Variants in NUDT7 observed in about 807,000 individuals in gnomAD.
The protein encoded by NUDT7 is nudix hydrolase 7.
In NUDT7, 19 loss-of-function variants were observed where a neutral mutation model predicts 13.1. That is an observed-to-expected ratio of 1.45 (90% CI 1.01 to 2.13). NUDT7 has a LOEUF of 2.13. Among genes scored for constraint, NUDT7 ranks in the 30% most tolerant of loss-of-function variants. The probability of loss-of-function intolerance (pLI) is 0.00; values close to 1 mark genes in which losing one functional copy is unlikely to be tolerated. For missense variants in NUDT7, 360 were observed against 291.7 expected (o/e 1.23, Z -1.71); for synonymous variants, 132 against 109.7 (o/e 1.20, Z -1.27).
At chr16:77,728,629 T>G (rs1038188286) in intron 2 of NUDT7, among the ~76,000 whole-genome samples, 5 of 152,206 alleles carry the variant, frequency 3.3e-5, no homozygotes, top group Admixed American at 2.6e-4. Flanking sequence ...GTTCTGAGCC[T>G]GAAAGAGATC....
chr16:77,735,688 G>A, intron 2 of NUDT7, 140 bp from the exon 3 acceptor site: 1 of 751,836 alleles, frequency 1.3e-6, no homozygotes, highest in Non-Finnish European at 2.2e-6. Context: ...ACACATTTGT[G>A]GGCAATAGGG....
At chr16:77,731,415 C>T (rs1264659192) in intron 2 of NUDT7, among the ~76,000 whole-genome samples, 2 of 152,192 alleles carry the variant, frequency 1.3e-5, no homozygotes, top group African/African-American at 4.8e-5. Flanking sequence ...CACCAACTGA[C>T]ATCATAGCAG....
At chr16:77,731,317 G>T (rs1410080727) in intron 2 of NUDT7, among the ~76,000 whole-genome samples, 1 of 151,696 alleles carries the variant, frequency 6.6e-6, no homozygotes. Context: ...GTCATGTGCT[G>T]CAAAACTGTT....
intron 2 of NUDT7, among the ~76,000 whole-genome samples, chr16:77,731,732 A>G (rs2014324625): frequency 6.6e-6 from 1 of 152,196 alleles, no homozygotes; most frequent in African/African-American, 2.4e-5. Context: ...TGAGAGCTCC[A>G]TGTATGTTAT....
rs778655225 is a variant in NUDT7 at position 77,725,540 on chromosome 16, A to G, written c.145A>G (p.Lys49Glu). 8 of 1,614,134 alleles carry G rather than the reference A, an allele frequency of 5.0e-6. No homozygotes were observed. The South Asian group carries it at 5.5e-5, about 11-fold the overall frequency. Residue 49 changes from lysine (K) to glutamate (E), a missense_variant, in exon 2 of 4, where the codon AAA becomes GAA. Lys to Glu is a moderately conservative substitution (Grantham distance 56, BLOSUM62 1). Transcript: ENST00000268533. The stretch of plus-strand genomic sequence containing the variant: ...CTCCGTCCTTTTGCCATTGGTGGCT[A>G]AAGAAGGAAAACTCCATTTGTTGTT... Reference protein sequence around the residue: ...KYSVLLPLVAKEGKLHLLFTV... With the variant: ...KYSVLLPLVAEEGKLHLLFTV...
At chr16:77,732,718 C>T (rs2014356394) in intron 2 of NUDT7, among the ~76,000 whole-genome samples, 1 of 152,094 alleles carries the variant, frequency 6.6e-6, no homozygotes, top group Non-Finnish European at 1.5e-5. Context: ...GCAAGTGCAC[C>T]CTGTGTTGTT....
rs2014464816 is a variant in NUDT7 at position 77,735,880 on chromosome 16, C to G, written c.242C>G (p.Thr81Arg). Reference sequence around the variant, plus strand: ...TTCCCTGGAGGTAAGCGTGACCCTACAGACATGGATGATGCAGCCACAGCT... The same window carrying G: ...TTCCCTGGAGGTAAGCGTGACCCTAGAGACATGGATGATGCAGCCACAGCT... ...VCFPGGKRDPTDMDDAATALR... is the reference protein window; with the variant it reads ...VCFPGGKRDPRDMDDAATALR... Residue 81 changes from threonine to arginine, a missense_variant, in exon 3 of 4, where the codon ACA becomes AGA. Transcript: ENST00000268533. 1 of 1,613,942 alleles carries G rather than the reference C, an allele frequency of 6.2e-7. No individual in the cohort carries two copies. Among genetic ancestry groups the G allele is most frequent in the Admixed American group, 1.7e-5 (1 of 60,002 alleles).
intron 3 of NUDT7, chr16:77,736,791 C>G (rs2145124626): frequency 6.0e-6 from 1 of 167,548 alleles, no homozygotes; most frequent in South Asian, 1.4e-4. Context: ...TATCGGTTCA[C>G]CACAACAACC....
intron 2 of NUDT7, among the ~76,000 whole-genome samples, chr16:77,728,651 C>T (rs564006000): frequency 3.0e-4 from 46 of 152,336 alleles, no homozygotes; most frequent in African/African-American, 1.1e-3. Flanking sequence ...GTAAAACGCC[C>T]AGCACGGCTG....
chr16:77,729,784 C>T (rs1306856153), intron 2 of NUDT7, among the ~76,000 whole-genome samples: 5 of 152,082 alleles, frequency 3.3e-5, no homozygotes, highest in Admixed American at 1.3e-4. Flanking sequence ...GAGATTATCC[C>T]ACTGCACTCC....
Position 77,735,617 on chromosome 16 carries a change from G to T in NUDT7, c.190-211G>T, listed in dbSNP as rs1290620246. ...GTGTGGTATCTTTTGGGGACAAATA[G>T]AATAAAAGTTAGCAGTGAGAAAAAT... On this transcript the variant is annotated intron_variant, in intron 2 of 3. Transcript: ENST00000268533. 10 of 597,770 alleles carry T rather than the reference G, an allele frequency of 1.7e-5. No homozygotes were observed. The Admixed American group carries it at 2.6e-4, about 15-fold the overall frequency. The allele number at this position is 597,770 out of a possible 1,614,324, so 37.0% of individuals were successfully genotyped here.
intron 3 of NUDT7, chr16:77,736,628 T>C: frequency 8.4e-6 from 2 of 238,380 alleles, no homozygotes; most frequent in South Asian, 4.5e-5. Context: ...TCTTATTTTC[T>C]TTTTTATTTT....
At chr16:77,726,148 G>A (rs2014128866) in intron 2 of NUDT7, among the ~76,000 whole-genome samples, 2 of 152,244 alleles carry the variant, frequency 1.3e-5, no homozygotes, top group Non-Finnish European at 2.9e-5. Context: ...AGGCTCTAAA[G>A]CTAGCTGTCC....
chr16:77,722,905 C>T (rs2014005611), intron 1 of NUDT7, among the ~76,000 whole-genome samples: 1 of 152,150 alleles, frequency 6.6e-6, no homozygotes, highest in Non-Finnish European at 1.5e-5. Context: ...GAGTTGGACC[C>T]CAGGACCCCC....
In NUDT7 at chr16:77,741,791, C is replaced by T. The variant is rs1358482852; in HGVS notation, c.558C>T (p.Tyr186=). ...CAAACCCTGAAGACGGTGTCACTTA[C>T]CAGATCAAGGGAATGACGGCAAACC... ...EYTNPEDGVT[Y]QIKGMTANLA... is the part of the protein sequence containing the mutation. Residue 186 remains tyrosine (Y), a synonymous_variant, in exon 4 of 4, where the codon TAC becomes TAT. Transcript: ENST00000268533. 1 of 1,614,104 alleles carries T rather than the reference C, an allele frequency of 6.2e-7. No individual in the cohort carries two copies. Among genetic ancestry groups the T allele is most frequent in the Admixed American group, 1.7e-5 (1 of 60,016 alleles).
intron 2 of NUDT7, among the ~76,000 whole-genome samples, chr16:77,725,837 T>C (rs966429872): frequency 2.6e-5 from 4 of 152,246 alleles, no homozygotes; most frequent in Admixed American, 2.6e-4. Flanking sequence ...CTTGGTGCTA[T>C]TGGCATTTGG....
intron 1 of NUDT7, among the ~76,000 whole-genome samples, chr16:77,724,984 C>A (rs1462820696): frequency 6.6e-6 from 1 of 152,182 alleles, no homozygotes; most frequent in Non-Finnish European, 1.5e-5. Context: ...CCAGGTGATT[C>A]TGTTGCTGCT....
rs562236390 is a variant in NUDT7 at position 77,741,695 on chromosome 16, T to C, written c.462T>C (p.His154=). 5.0e-6 allele frequency: 8 copies of C among 1,614,178 alleles called. 1 individual carries two copies. In the South Asian group the frequency reaches 7.7e-5, roughly 16 times the overall value. Residue 154 remains histidine (H), a synonymous_variant, in exon 4 of 4, where the codon CAT becomes CAC. Coordinates refer to ENST00000268533, the MANE Select transcript of NUDT7 (RefSeq NM_001105663.3). ...TGGTGCCTCTGGCCTATTTCCTGCA[T>C]CCACAGGTCCATGACCAGCATTACG... ...VFLVPLAYFL[H]PQVHDQHYVT...
At chr16:77,730,468 G>C (rs1423036931) in intron 2 of NUDT7, among the ~76,000 whole-genome samples, 3 of 152,158 alleles carry the variant, frequency 2.0e-5, no homozygotes, top group African/African-American at 7.2e-5. Context: ...TTTTATGACT[G>C]AATAATATTC....
Sources: allele counts gnomAD v4.1 joint callset (sites outside exome capture counted in the v4.1 genomes callset), GRCh38; gene constraint gnomAD v4.1.1; transcripts MANE v1.5; gene names NCBI Gene and HGNC (gene_info 2026-07-23, HGNC 2026-07-21).